Variants in NUDT3 observed in about 807,000 individuals in gnomAD.
NUDT3 encodes nudix hydrolase 3.
A neutral mutation model predicts 23.6 loss-of-function variants in NUDT3; 9 were observed. The ratio of observed to expected loss-of-function variants is 0.38; its 90% CI spans 0.23 to 0.66. The LOEUF is 0.66. Ranked by LOEUF, NUDT3 falls within the 30% of genes least tolerant of loss-of-function variation. NUDT3 has a pLI of 0.52. For synonymous variants in NUDT3, 86 were observed against 82.6 expected (o/e 1.04, Z -0.22); for missense variants, 172 against 218.5 (o/e 0.79, Z 1.34).
intron 1 of NUDT3, among the ~76,000 whole-genome samples, chr6:34,353,421 C>T (rs1033690264): frequency 1.3e-5 from 2 of 150,268 alleles, no homozygotes; most frequent in Non-Finnish European, 3.0e-5. Context: ...TTTTACTTAC[C>T]TATACACAAC....
chr6:34,371,274 T>C (rs1764823498), intron 1 of NUDT3, among the ~76,000 whole-genome samples: 1 of 151,736 alleles, frequency 6.6e-6, no homozygotes, highest in Non-Finnish European at 1.5e-5. Flanking sequence ...ATCGAGACCA[T>C]TCTGGCCAAC....
At chr6:34,334,994 G>C (rs1374236747) in intron 2 of NUDT3, among the ~76,000 whole-genome samples, 1 of 151,012 alleles carries the variant, frequency 6.6e-6, no homozygotes, top group East Asian at 1.9e-4. Flanking sequence ...AGAGAAGAGA[G>C]AGAGAGGAAG....
chr6:34,383,147 A>G (rs1765051066), intron 1 of NUDT3, among the ~76,000 whole-genome samples: 1 of 151,908 alleles, frequency 6.6e-6, no homozygotes, highest in Non-Finnish European at 1.5e-5. Flanking sequence ...AAAAAAAGGA[A>G]AAAAGAAAAA....
intron 1 of NUDT3, among the ~76,000 whole-genome samples, chr6:34,387,817 A>G (rs1765132516): frequency 6.6e-6 from 1 of 152,140 alleles, no homozygotes; most frequent in Non-Finnish European, 1.5e-5. Flanking sequence ...TATAAAGTAA[A>G]AAAATTACAG....
intron 1 of NUDT3, among the ~76,000 whole-genome samples, chr6:34,392,022 C>G (rs921228539): frequency 2.6e-5 from 4 of 152,234 alleles, no homozygotes; most frequent in Non-Finnish European, 2.9e-5. Flanking sequence ...GCGCTCCGGC[C>G]ACAAGCCGGC....
intron 2 of NUDT3, among the ~76,000 whole-genome samples, 183 bp downstream of exon 2, chr6:34,341,679 G>A (rs908699399): frequency 6.6e-6 from 1 of 152,196 alleles, no homozygotes; most frequent in African/African-American, 2.4e-5. Flanking sequence ...ACAGAGTGCC[G>A]GTTAACATTA....
intron 1 of NUDT3, among the ~76,000 whole-genome samples, chr6:34,371,962 C>G (rs946560772): frequency 6.6e-6 from 1 of 152,192 alleles, no homozygotes; most frequent in Non-Finnish European, 1.5e-5. Context: ...TCTTATTGTT[C>G]AATTCCCACC....
chr6:34,376,288 C>T (rs990420610), intron 1 of NUDT3, among the ~76,000 whole-genome samples: 4 of 151,952 alleles, frequency 2.6e-5, no homozygotes, highest in Admixed American at 6.6e-5. Flanking sequence ...ACTCTGTCAC[C>T]GAGGCTGGAG....
rs894909548 is a variant in NUDT3, at chr6:34,336,558, T to C, written c.210+5304A>G. Among the ~76,000 whole-genome samples, 34 of 152,154 alleles carry C rather than the reference T, an allele frequency of 2.2e-4. 1 individual carries two copies. The highest frequency in any genetic ancestry group is 8.2e-4 in the African/African-American group (34 of 41,422). ...ATTGTTTCCTTTGCTGTGCGGAAGG[T>C]TTTTAGTTTGATACAATCCAATCTG... On this transcript the variant is annotated intron_variant, in intron 2 of 4. Transcript: ENST00000607016.
chr6:34,333,548 C>A (rs1018513146), intron 2 of NUDT3, among the ~76,000 whole-genome samples: 1 of 152,160 alleles, frequency 6.6e-6, no homozygotes, highest in African/African-American at 2.4e-5. Context: ...GTCCTGGATT[C>A]AAATCTTACC....
intron 1 of NUDT3, among the ~76,000 whole-genome samples, chr6:34,377,145 C>A (rs541837952): frequency 6.6e-6 from 1 of 152,100 alleles, no homozygotes; most frequent in Non-Finnish European, 1.5e-5. Flanking sequence ...TACTTTATGT[C>A]CCACTTTTTA....
At chr6:34,338,914 GATTT>G in intron 2 of NUDT3, among the ~76,000 whole-genome samples, 1 of 152,282 alleles carries the variant, frequency 6.6e-6, no homozygotes, top group Admixed American at 6.5e-5. Flanking sequence ...TTAAGATAAT[GATTT>G]ATTAAGGGAT....
chr6:34,340,021 A>G (rs954613943), intron 2 of NUDT3, among the ~76,000 whole-genome samples: 3 of 152,192 alleles, frequency 2.0e-5, no homozygotes, highest in African/African-American at 7.2e-5. Context: ...ACTCTGAAAC[A>G]CCGACATAAA....
Position 34,303,102 on chromosome 6 carries a change from G to A in NUDT3, c.211-7417C>T, listed in dbSNP as rs140428622. Among the ~76,000 whole-genome samples the A allele has an allele frequency of 4.4e-3, 664 of 151,572 alleles. 2 individuals carry two copies. Among genetic ancestry groups the A allele is most frequent in the African/African-American group, 0.015 (630 of 41,274 alleles). On this transcript the variant is annotated intron_variant, in intron 2 of 4. Transcript: ENST00000607016. ...ATATTTTGGCAGTGGTGCAAACACA[G>A]CTTACTGCAGCCTTGACCTGCTGGG...
chr6:34,342,505 G>A (rs534193772), intron 1 of NUDT3, among the ~76,000 whole-genome samples: 1 of 152,100 alleles, frequency 6.6e-6, no homozygotes, highest in East Asian at 1.9e-4. Context: ...TAGACTCTAA[G>A]GGACCCTAAT....
intron 1 of NUDT3, among the ~76,000 whole-genome samples, chr6:34,365,793 G>C (rs950147913): frequency 2.0e-5 from 3 of 152,278 alleles, no homozygotes; most frequent in African/African-American, 7.2e-5. Context: ...TGTATTCCCA[G>C]CACTTTGGGA....
chr6:34,359,863 C>T (rs1297567559), intron 1 of NUDT3, among the ~76,000 whole-genome samples: 1 of 152,168 alleles, frequency 6.6e-6, no homozygotes, highest in African/African-American at 2.4e-5. Flanking sequence ...GCAGCTGAGC[C>T]ATTCTGCATT....
chr6:34,319,681 A>G (rs1381378488), intron 2 of NUDT3, among the ~76,000 whole-genome samples: 1 of 152,204 alleles, frequency 6.6e-6, no homozygotes, highest in Non-Finnish European at 1.5e-5. Context: ...GTTAATACTA[A>G]TCGACTGAGT....
intron 2 of NUDT3, among the ~76,000 whole-genome samples, chr6:34,301,774 A>T (rs76704599): frequency 0.095 from 14,401 of 151,736 alleles, 793 homozygotes; most frequent in Non-Finnish European, 0.12. Flanking sequence ...AAACTGATAC[A>T]CTCTCCAAAG....
Sources: gnomAD v4.1 joint callset for allele counts (sites outside exome capture counted in the v4.1 genomes callset) on GRCh38, gnomAD v4.1.1 for gene constraint, MANE v1.5 for transcripts, NCBI Gene and HGNC (gene_info 2026-07-23, HGNC 2026-07-21) for gene names.